The following DIAPH2 variants were observed in gnomAD, a reference collection of about 807,000 sequenced individuals.
DIAPH2 encodes protein diaphanous homolog 2.
In DIAPH2, 35 loss-of-function variants were observed where a neutral mutation model predicts 92.7. That is an observed-to-expected ratio of 0.38 (90% confidence interval 0.29 to 0.50). The LOEUF is 0.50. Among genes scored for constraint, DIAPH2 ranks in the 20% least tolerant of loss-of-function variants. DIAPH2 has a pLI of 0.94. For missense variants in DIAPH2, 701 were observed against 819.5 expected, an observed-to-expected ratio of 0.86 and a Z score of 1.77; for synonymous variants, 301 against 280.4, an observed-to-expected ratio of 1.07 and a Z score of -0.73.
chrX:96,905,346 G>C (rs897649121), intron 5 of DIAPH2, among the ~76,000 whole-genome samples: 1 of 111,537 alleles, frequency 9.0e-6, no homozygotes, highest in African/African-American at 3.3e-5. Context: ...AAATAATTCA[G>C]AGTCTGAATC....
intron 24 of DIAPH2, among the ~76,000 whole-genome samples, chrX:97,367,581 T>G (rs749462814): frequency 2.1e-4 from 24 of 112,106 alleles, no homozygotes; most frequent in Non-Finnish European, 4.3e-4. Context: ...AAGAAAGATA[T>G]GAAATTGTAT....
At chrX:97,357,442 T>C (rs1377400333) in intron 24 of DIAPH2, among the ~76,000 whole-genome samples, 1 of 110,602 alleles carries the variant, frequency 9.0e-6, no homozygotes, top group Non-Finnish European at 1.9e-5. Flanking sequence ...TGAGCTCCTT[T>C]GGTATGCCTG....
At chrX:97,534,422 GTT>G (rs1272287721) in intron 26 of DIAPH2, among the ~76,000 whole-genome samples, 2 of 110,209 alleles carry the variant, frequency 1.8e-5, no homozygotes, top group Non-Finnish European at 1.9e-5. Flanking sequence ...GAAGATGAGA[GTT>G]TTCAGTTATC....
rs775456687 is a variant in DIAPH2 at position 96,897,621 on chromosome X, T to C, written c.588-14707T>C. 9.9e-5 allele frequency among the ~76,000 whole-genome samples: 11 copies of C among 111,249 alleles called. No individual in the cohort carries two copies. In the East Asian group the frequency reaches 3.1e-3, roughly 31 times the overall value. Reference sequence around the variant, plus strand: ...GGTTAGTTAATATAAGGCATGATTATGTAAAACTGACTGTAAAATTGAGAT... The same window carrying C: ...GGTTAGTTAATATAAGGCATGATTACGTAAAACTGACTGTAAAATTGAGAT... On this transcript the variant is annotated intron_variant, in intron 5 of 26. Transcript: ENST00000324765.
intron 26 of DIAPH2, among the ~76,000 whole-genome samples, chrX:97,579,015 G>A (rs1450779920): frequency 1.0e-5 from 1 of 97,488 alleles, no homozygotes; most frequent in African/African-American, 3.7e-5. Flanking sequence ...TTTTGATGGG[G>A]TTGTTTGTTT....
At chrX:97,412,890 T>A (rs189387720) in intron 25 of DIAPH2, among the ~76,000 whole-genome samples, 1 of 111,606 alleles carries the variant, frequency 9.0e-6, no homozygotes, top group East Asian at 2.8e-4. Context: ...AATAACAGGC[T>A]CTGAAATTGA....
chrX:96,940,605 A>C (rs1321078120), intron 12 of DIAPH2, among the ~76,000 whole-genome samples: 1 of 112,303 alleles, frequency 8.9e-6, no homozygotes. Flanking sequence ...ACTGTAAAGC[A>C]GCATAGAGAA....
At chrX:97,075,515 A>G (rs903971435) in intron 19 of DIAPH2, among the ~76,000 whole-genome samples, 3 of 112,009 alleles carry the variant, frequency 2.7e-5, no homozygotes, top group African/African-American at 6.5e-5. Context: ...ATATATAGAC[A>G]TATCATTGTC....
At chrX:97,453,644 C>T (rs1220136018) in intron 26 of DIAPH2, among the ~76,000 whole-genome samples, 4 of 111,315 alleles carry the variant, frequency 3.6e-5, no homozygotes, top group African/African-American at 6.5e-5. Flanking sequence ...TTAGGTTGAG[C>T]CATATGACGT....
rs200952778 is a variant in DIAPH2 at position 97,384,056 on chromosome X, T to G, written c.3145+12T>G. The G allele has an allele frequency of 1.4e-5, 16 of 1,124,760 alleles. No homozygotes were observed. Among genetic ancestry groups the G allele is most frequent in the Non-Finnish European group, 1.9e-5 (16 of 842,208 alleles). The allele number at this position is 1,124,760 out of a possible 1,213,427, so 92.7% of individuals were successfully genotyped here. On this transcript the variant is annotated intron_variant, in intron 25 of 26. Transcript: ENST00000324765. Reference sequence around the variant, plus strand: ...TGATATAAACAAAGGTATGAAAATATTTCCAATTTTTACAAAAATGCAAGA... The same window carrying G: ...TGATATAAACAAAGGTATGAAAATAGTTCCAATTTTTACAAAAATGCAAGA...
intron 4 of DIAPH2, among the ~76,000 whole-genome samples, chrX:96,848,940 G>A (rs762597780): frequency 9.2e-4 from 103 of 111,544 alleles, no homozygotes; most frequent in African/African-American, 3.3e-3. Context: ...TGGGGATCAA[G>A]GTGAGTCAGA....
At chrX:96,821,700 A>G (rs1186789181) in intron 4 of DIAPH2, among the ~76,000 whole-genome samples, 1 of 111,889 alleles carries the variant, frequency 8.9e-6, no homozygotes, top group African/African-American at 3.2e-5. Context: ...CTTAAATCTC[A>G]TATCAGTCAC....
intron 23 of DIAPH2, among the ~76,000 whole-genome samples, chrX:97,291,430 G>A (rs761853136): frequency 3.6e-5 from 4 of 111,466 alleles, no homozygotes; most frequent in African/African-American, 6.5e-5. Context: ...TAAAAAGCTA[G>A]TGTGTCTATC....
chrX:97,029,501 G>T (rs1034572016), intron 17 of DIAPH2, among the ~76,000 whole-genome samples: 6 of 110,759 alleles, frequency 5.4e-5, no homozygotes, highest in African/African-American at 1.6e-4. Flanking sequence ...TCATGTTAGT[G>T]TCTTTTGAAA....
intron 26 of DIAPH2, among the ~76,000 whole-genome samples, chrX:97,559,893 T>C (rs2071282314): frequency 8.9e-6 from 1 of 111,901 alleles, no homozygotes; most frequent in African/African-American, 3.3e-5. Context: ...GAAAAAGACA[T>C]CATGCTTTAA....
At position 96,871,771 on chromosome X, in the gene DIAPH2, T is replaced by C. The variant is rs1349249019; in HGVS notation, c.448-9808T>C. 9.8e-5 allele frequency among the ~76,000 whole-genome samples: 11 copies of C among 112,362 alleles called. No individual in the cohort carries two copies. The Admixed American group carries it at 1.0e-3, about 11-fold the overall frequency. ...ATTCCAGAGACATAAACACATATGT[T>C]CACACAAAAACCTGTGCATGGATGT... On this transcript the variant is annotated intron_variant, in intron 4 of 26. Transcript: ENST00000324765.
In DIAPH2 at chrX:97,006,928, G is replaced by A. The variant is rs148801659; in HGVS notation, c.2050+41721G>A. Among the ~76,000 whole-genome samples, 644 of 110,282 alleles carry A rather than the reference G, an allele frequency of 5.8e-3. 7 individuals are homozygous for A. The highest frequency in any genetic ancestry group is 0.021 in the African/African-American group (624 of 30,385). ...TTTCATTTCTTGTTTTTTATTGTCT[G>A]TGTATCCTTTGTATGTTGTTTATTT... On this transcript the variant is annotated intron_variant, in intron 17 of 26. Transcript: ENST00000324765.
intron 26 of DIAPH2, among the ~76,000 whole-genome samples, chrX:97,572,897 C>G (rs2071378220): frequency 1.8e-5 from 2 of 111,446 alleles, no homozygotes; most frequent in Admixed American, 1.9e-4. Context: ...ACGAGTCATC[C>G]AAACAGAAGT....
intron 4 of DIAPH2, among the ~76,000 whole-genome samples, chrX:96,868,250 C>T (rs1460297306): frequency 8.9e-6 from 1 of 112,130 alleles, no homozygotes; most frequent in Non-Finnish European, 1.9e-5. Context: ...TTCCTGGTAA[C>T]AGTGTGAATA....
Sources: allele counts gnomAD v4.1 joint callset (sites outside exome capture counted in the v4.1 genomes callset), GRCh38; gene constraint gnomAD v4.1.1; transcripts MANE v1.5; gene names NCBI Gene and HGNC (gene_info 2026-07-23, HGNC 2026-07-21).